Variants in MUSK observed in about 807,000 individuals in gnomAD.
The protein encoded by MUSK is muscle associated receptor tyrosine kinase.
In MUSK, 55 loss-of-function variants were observed where a neutral mutation model predicts 88.7. That is an observed-to-expected ratio of 0.62 (90% CI 0.50 to 0.78). MUSK has a LOEUF of 0.78. Among genes scored for constraint, MUSK ranks in the 30% least tolerant of loss-of-function variants. The probability of loss-of-function intolerance (pLI) is 0.00; values close to 1 mark genes in which losing one functional copy is unlikely to be tolerated. For missense variants in MUSK, 1,015 were observed against 1,074.3 expected (o/e 0.94, Z 0.77); for synonymous variants, 387 against 391.9 (o/e 0.99, Z 0.15).
rs746563484 is a variant in MUSK, at chr9:110,785,703, G to A, written c.1763G>A (p.Arg588Lys). Residue 588 changes from arginine (R) to lysine (K), a missense_variant, in exon 13 of 15, where the codon AGG (arginine) becomes AAG (lysine). Arg to Lys is a conservative substitution (Grantham distance 26, BLOSUM62 2). Coordinates refer to ENST00000374448, the MANE Select transcript of MUSK (RefSeq NM_005592.4). ...VRDIGEGAFG[R>K]VFQARAPGLL... ...GACATCGGAGAGGGAGCGTTTGGAAGGGTGTTTCAAGCAAGGTAAAGTTAC... is the reference window on the plus strand; with the variant it reads ...GACATCGGAGAGGGAGCGTTTGGAAAGGTGTTTCAAGCAAGGTAAAGTTAC... 1.9e-6 allele frequency: 3 copies of A among 1,602,818 alleles called. No homozygotes were observed. The highest frequency in any genetic ancestry group is 1.7e-6 in the Non-Finnish European group (2 of 1,173,536).
intron 5 of MUSK, among the ~76,000 whole-genome samples, chr9:110,724,420 A>T (rs769027734): frequency 2.6e-5 from 4 of 151,960 alleles, no homozygotes; most frequent in Non-Finnish European, 4.4e-5. Context: ...TTCATATAAG[A>T]TATTTCAGGG....
At chr9:110,718,824 C>A (rs1188126495) in intron 5 of MUSK, among the ~76,000 whole-genome samples, 1 of 152,020 alleles carries the variant, frequency 6.6e-6, no homozygotes, top group African/African-American at 2.4e-5. Flanking sequence ...ATCTTGAGAG[C>A]TGTGAGGCAA....
intron 3 of MUSK, among the ~76,000 whole-genome samples, chr9:110,690,306 G>C (rs1207186733): frequency 2.0e-5 from 2 of 97,720 alleles, no homozygotes; most frequent in Non-Finnish European, 3.6e-5. Context: ...ATATATTTAA[G>C]TATAAATATA....
intron 10 of MUSK, 38 bp downstream of exon 10, chr9:110,776,001 G>T (rs1318726585): frequency 6.5e-7 from 1 of 1,546,464 alleles, no homozygotes; most frequent in South Asian, 1.2e-5. Context: ...GAGGTTAAGA[G>T]AAATTTACTA....
intron 10 of MUSK, 70 bp from the exon 11 acceptor site, chr9:110,776,562 C>A: frequency 8.1e-7 from 1 of 1,239,058 alleles, no homozygotes; most frequent in South Asian, 1.3e-5. Flanking sequence ...TCTTAGCACT[C>A]ACTCTCTCAC....
intron 14 of MUSK, among the ~76,000 whole-genome samples, chr9:110,797,428 G>A (rs1287789479): frequency 6.6e-6 from 1 of 151,934 alleles, no homozygotes; most frequent in East Asian, 1.9e-4. Context: ...GTATACAAAT[G>A]TATGGAATGA....
At chr9:110,681,168 A>G (rs1259961358) in intron 1 of MUSK, among the ~76,000 whole-genome samples, 4 of 92,452 alleles carry the variant, frequency 4.3e-5, no homozygotes, top group African/African-American at 1.6e-4. Flanking sequence ...TATAAAAATT[A>G]TTATAATATA....
chr9:110,724,265 T>C (rs907660673), intron 5 of MUSK, among the ~76,000 whole-genome samples: 2 of 152,072 alleles, frequency 1.3e-5, no homozygotes, highest in Non-Finnish European at 2.9e-5. Flanking sequence ...ATTCATTAAG[T>C]TGAAAGTCAA....
At position 110,734,315 on chromosome 9, in the gene MUSK, G is replaced by T; in HGVS notation, c.693G>T (p.Leu231=). The T allele has an allele frequency of 1.2e-6, 2 of 1,613,274 alleles. No homozygotes were observed. The highest frequency in any genetic ancestry group is 1.7e-6 in the Non-Finnish European group (2 of 1,179,462). ...TCACCTTTGGCTCCTTTGTGACCCTGCACTGTACAGCAACAGGCATTCCTG... is the reference window on the plus strand; with the variant it reads ...TCACCTTTGGCTCCTTTGTGACCCTTCACTGTACAGCAACAGGCATTCCTG... ...HNVTFGSFVT[L]HCTATGIPVP... The change falls in exon 6 of 15, where the codon CTG becomes CTT. Residue 231 remains leucine (L), a synonymous_variant. Coordinates refer to ENST00000374448, the MANE Select transcript of MUSK (RefSeq NM_005592.4).
intron 5 of MUSK, among the ~76,000 whole-genome samples, chr9:110,708,697 A>C (rs2076632087): frequency 6.6e-6 from 1 of 152,184 alleles, no homozygotes; most frequent in South Asian, 2.1e-4. Flanking sequence ...GAAGAATGGT[A>C]AAGTGGTCCT....
chr9:110,704,503 A>C (rs2076571080), intron 5 of MUSK, among the ~76,000 whole-genome samples: 1 of 152,150 alleles, frequency 6.6e-6, no homozygotes, highest in Non-Finnish European at 1.5e-5. Context: ...TATTTATTTC[A>C]TGTATTTAAT....
At chr9:110,680,379 T>C (rs202148896) in intron 1 of MUSK, among the ~76,000 whole-genome samples, 24 of 77,646 alleles carry the variant, frequency 3.1e-4, no homozygotes, top group African/African-American at 1.7e-3. Flanking sequence ...TTCTTTCTTT[T>C]TTTCTTTTTT....
chr9:110,692,441 C>G (rs1164261583), intron 3 of MUSK, among the ~76,000 whole-genome samples: 2 of 151,864 alleles, frequency 1.3e-5, no homozygotes, highest in Non-Finnish European at 2.9e-5. Flanking sequence ...TCCAAAGTAT[C>G]GAGATTATAG....
intron 2 of MUSK, among the ~76,000 whole-genome samples, chr9:110,685,266 G>A (rs566708091): frequency 5.1e-4 from 78 of 152,150 alleles, no homozygotes; most frequent in Admixed American, 2.4e-3. Context: ...CACATTGATT[G>A]ATTTGCATAT....
At chr9:110,717,051 T>G (rs1465487021) in intron 5 of MUSK, among the ~76,000 whole-genome samples, 1 of 149,940 alleles carries the variant, frequency 6.7e-6, no homozygotes, top group Non-Finnish European at 1.5e-5. Context: ...ATAAATACTT[T>G]TGTAATTCAA....
At chr9:110,730,775 T>C (rs2076953172) in intron 5 of MUSK, among the ~76,000 whole-genome samples, 1 of 152,106 alleles carries the variant, frequency 6.6e-6, no homozygotes, top group Admixed American at 6.6e-5. Flanking sequence ...ATTGCTCAGA[T>C]AGAGTTGGGT....
At position 110,762,187 on chromosome 9, in the gene MUSK, CT is replaced by C; in HGVS notation, c.914-12del. On this transcript the variant is annotated splice_polypyrimidine_tract_variant and intron_variant, in intron 7 of 14. Transcript: ENST00000374448. Reference sequence around the variant, plus strand: ...TAATTTGACTTCCTGTGGGAACTTCCTTTCCTGTTAATAGAATGGAGGTAAG... The same window carrying C: ...TAATTTGACTTCCTGTGGGAACTTCCTTCCTGTTAATAGAATGGAGGTAAG... The C allele has an allele frequency of 6.9e-7, 1 of 1,441,460 alleles. No homozygotes were observed. Among genetic ancestry groups the C allele is most frequent in the South Asian group, 1.6e-5 (1 of 63,422 alleles). The allele number at this position is 1,441,460 out of a possible 1,614,324, so 89.3% of individuals were successfully genotyped here.
chr9:110,715,450 T>C (rs2131785434), intron 5 of MUSK, among the ~76,000 whole-genome samples: 1 of 148,980 alleles, frequency 6.7e-6, no homozygotes, highest in East Asian at 2.0e-4. Flanking sequence ...GTTAGGGTAT[T>C]GTACATGAGT....
At position 110,803,169 on chromosome 9, in the gene MUSK, G is replaced by T. The variant is rs1035461197; in HGVS notation, c.*2181G>T. On this transcript the variant is annotated 3_prime_UTR_variant, in exon 15 of 15. Coordinates refer to ENST00000374448, the MANE Select transcript of MUSK (RefSeq NM_005592.4). ...CAGGCTGACAGAAAATAGAGTAACAGTAATCATAAAAATTATAATATCAGC... is the reference window on the plus strand; with the variant it reads ...CAGGCTGACAGAAAATAGAGTAACATTAATCATAAAAATTATAATATCAGC... 1.3e-5 allele frequency among the ~76,000 whole-genome samples: 2 copies of T among 152,112 alleles called. No homozygotes were observed. The highest frequency in any genetic ancestry group is 4.8e-5 in the African/African-American group (2 of 41,418).
Sources: gnomAD v4.1 joint callset for allele counts (sites outside exome capture counted in the v4.1 genomes callset) on GRCh38, gnomAD v4.1.1 for gene constraint, MANE v1.5 for transcripts, NCBI Gene and HGNC (gene_info 2026-07-23, HGNC 2026-07-21) for gene names.